The following TRPC5 variants were observed in gnomAD, a reference collection of about 807,000 sequenced individuals.
The protein encoded by TRPC5 is short transient receptor potential channel 5.
Under a neutral mutation model 56.5 loss-of-function variants are expected in TRPC5, and 9 were observed. The observed-to-expected ratio is 0.16, with a 90% CI of 0.10 to 0.28. TRPC5 has a LOEUF of 0.28. Ranked by LOEUF, TRPC5 falls within the 10% of genes least tolerant of loss-of-function variation. The pLI, the probability that TRPC5 is intolerant of heterozygous loss-of-function variation, is 1.00. For synonymous variants in TRPC5, 282 were observed against 278.5 expected, an observed-to-expected ratio of 1.01 and a Z score of -0.13; for missense variants, 469 against 748.9, an observed-to-expected ratio of 0.63 and a Z score of 4.36.
At chrX:111,918,265 A>T (rs1324640643) in intron 2 of TRPC5, among the ~76,000 whole-genome samples, 3 of 111,746 alleles carry the variant, frequency 2.7e-5, no homozygotes, top group Non-Finnish European at 5.6e-5. Flanking sequence ...GAGGGCTGGA[A>T]GCTGAAGTAT....
Position 111,936,886 on chromosome X carries a change from T to C in TRPC5, c.378+15157A>G, listed in dbSNP as rs1447617149. Reference sequence around the variant, plus strand: ...GTAATGGGATGGCTGGGTCAAATGGTATTTCTAGTTCTAGATCCCTGAGGA... The same window carrying C: ...GTAATGGGATGGCTGGGTCAAATGGCATTTCTAGTTCTAGATCCCTGAGGA... On this transcript the variant is annotated intron_variant, in intron 2 of 10. Transcript: ENST00000262839. Among the ~76,000 whole-genome samples the C allele has an allele frequency of 1.0e-3, 102 of 100,827 alleles. 4 individuals carry two copies. The highest frequency in any genetic ancestry group is 3.8e-3 in the African/African-American group (97 of 25,827). 87.6% of individuals were successfully genotyped at this position (100,827 alleles called of 115,157 possible).
intron 7 of TRPC5, among the ~76,000 whole-genome samples, chrX:111,809,506 T>G (rs1443369034): frequency 8.9e-6 from 1 of 111,964 alleles, no homozygotes; most frequent in Non-Finnish European, 1.9e-5. Flanking sequence ...GTACAGATTC[T>G]GTCTCCATGC....
In TRPC5 at chrX:111,951,646, G is replaced by A. The variant is rs780762527; in HGVS notation, c.378+397C>T. On this transcript the variant is annotated intron_variant, in intron 2 of 10. Transcript: ENST00000262839. ...GCCTCCTGTGTTGTCTTCAGAGAGA[G>A]GCTAATGAGAAGTAGAAAGACCAAG... Among the ~76,000 whole-genome samples the A allele has an allele frequency of 2.7e-5, 3 of 111,737 alleles. No homozygotes were observed. The South Asian group carries it at 1.1e-3, about 42-fold the overall frequency.
In TRPC5 at chrX:111,768,910, G is replaced by A; in HGVS notation, c.*7403C>T. Among the ~76,000 whole-genome samples, 1 of 111,566 alleles carries A rather than the reference G, an allele frequency of 9.0e-6. No individual in the cohort carries two copies. Among genetic ancestry groups the A allele is most frequent in the African/African-American group, 3.3e-5 (1 of 30,759 alleles). The stretch of plus-strand genomic sequence containing the variant: ...TTGGACTACAGGTTACTTTGCCTTG[G>A]ATATTTAAACTGATTGCTTAATATG... On this transcript the variant is annotated 3_prime_UTR_variant, in exon 11 of 11. Transcript: ENST00000262839.
intron 7 of TRPC5, among the ~76,000 whole-genome samples, chrX:111,806,411 G>A (rs1921515734): frequency 8.9e-6 from 1 of 111,817 alleles, no homozygotes; most frequent in Non-Finnish European, 1.9e-5. Flanking sequence ...ATGGTTGTTG[G>A]CAGGTTTAGT....
At chrX:111,824,265 C>G (rs998900365) in intron 7 of TRPC5, among the ~76,000 whole-genome samples, 1 of 107,078 alleles carries the variant, frequency 9.3e-6, no homozygotes, top group Non-Finnish European at 1.9e-5. Context: ...TACCCTTGGG[C>G]GAGTCACTTT....
intron 1 of TRPC5, among the ~76,000 whole-genome samples, chrX:112,030,077 G>A (rs1265728401): frequency 8.9e-6 from 1 of 111,980 alleles, no homozygotes; most frequent in Non-Finnish European, 1.9e-5. Flanking sequence ...CACCCACCTC[G>A]GCCTCCCAAA....
chrX:111,978,620 A>G (rs1466739465), intron 1 of TRPC5, among the ~76,000 whole-genome samples: 1 of 111,575 alleles, frequency 9.0e-6, no homozygotes, highest in Non-Finnish European at 1.9e-5. Flanking sequence ...TATTTTTAAT[A>G]GCCCCAATTT....
intron 1 of TRPC5, among the ~76,000 whole-genome samples, chrX:112,056,821 G>A (rs2223497): frequency 0.19 from 21,311 of 111,580 alleles, 2,147 homozygotes; most frequent in African/African-American, 0.39. Flanking sequence ...GTGGGGTAGC[G>A]GCATAGGCAG....
chrX:111,943,109 T>C (rs1182171105), intron 2 of TRPC5, among the ~76,000 whole-genome samples: 1 of 111,641 alleles, frequency 9.0e-6, no homozygotes, highest in Non-Finnish European at 1.9e-5. Flanking sequence ...TGTAATACTA[T>C]GAAATAGACT....
chrX:111,978,019 A>G (rs746887521), intron 1 of TRPC5, among the ~76,000 whole-genome samples: 1 of 111,673 alleles, frequency 9.0e-6, no homozygotes, highest in Non-Finnish European at 1.9e-5. Flanking sequence ...TCTTGTGGGA[A>G]TGTAAATTAG....
intron 2 of TRPC5, among the ~76,000 whole-genome samples, chrX:111,913,798 A>G (rs1352974414): frequency 1.8e-5 from 2 of 110,507 alleles, no homozygotes; most frequent in East Asian, 5.7e-4. Context: ...GTCTCTACTA[A>G]AAATACAAAA....
At chrX:111,900,743 G>A (rs1161521704) in intron 3 of TRPC5, among the ~76,000 whole-genome samples, 4 of 111,661 alleles carry the variant, frequency 3.6e-5, no homozygotes, top group Non-Finnish European at 7.5e-5. Context: ...TAGAAAACCT[G>A]TGAATCAAAT....
rs1328636265 is a variant in TRPC5 at position 111,781,161 on chromosome X, T to G, written c.2142+4A>C. ...TGTGCTTCATCCCTGTGAGGAAGCT[T>G]TACCTGATAATGTTGATTTTGTATC... On this transcript the variant is annotated splice_donor_region_variant and intron_variant, in intron 9 of 10. Transcript: ENST00000262839. 2 of 1,209,618 alleles carry G rather than the reference T, an allele frequency of 1.7e-6. No homozygotes were observed. Among genetic ancestry groups the G allele is most frequent in the Non-Finnish European group, 2.2e-6 (2 of 893,601 alleles).
chrX:111,913,412 A>C (rs558846595), intron 2 of TRPC5, among the ~76,000 whole-genome samples: 1 of 111,309 alleles, frequency 9.0e-6, no homozygotes, highest in African/African-American at 3.3e-5. Flanking sequence ...GGGTTCGTCC[A>C]ACTTCCTGTA....
At chrX:111,800,563 G>A (rs904721597) in intron 7 of TRPC5, among the ~76,000 whole-genome samples, 1 of 110,699 alleles carries the variant, frequency 9.0e-6, no homozygotes, top group Admixed American at 9.6e-5. Context: ...TCAGGAGTTC[G>A]AGACCAGCCT....
chrX:111,911,495 C>T (rs765215681), intron 3 of TRPC5, among the ~76,000 whole-genome samples: 3 of 111,906 alleles, frequency 2.7e-5, no homozygotes, highest in East Asian at 2.8e-4. Flanking sequence ...CTGCTTTTTC[C>T]GTGGTATCAT....
chrX:111,776,470 C>T lies in TRPC5; in HGVS notation c.2765G>A (p.Cys922Tyr), dbSNP rs759050409. Reference sequence around the variant, plus strand: ...GGATGCACAGTGAAGAGAGCTGGAACAGGCTAGAGGGCATTCACTGCTCTG... The same window carrying T: ...GGATGCACAGTGAAGAGAGCTGGAATAGGCTAGAGGGCATTCACTGCTCTG... ...AAQSSECPLA[C>Y]SSSLHCASSI... The change falls in exon 11 of 11, where the codon TGT becomes TAT. Residue 922 changes from cysteine (C) to tyrosine (Y), a missense_variant. By Grantham distance (194) the Cys-to-Tyr change is radical. Coordinates refer to ENST00000262839, the MANE Select transcript of TRPC5 (RefSeq NM_012471.3). 1.7e-6 allele frequency: 2 copies of T among 1,211,099 alleles called. No individual in the cohort carries two copies. Among genetic ancestry groups the T allele is most frequent in the South Asian group, 3.5e-5 (2 of 56,824 alleles).
At chrX:111,890,784 G>C (rs746726592) in intron 3 of TRPC5, among the ~76,000 whole-genome samples, 1 of 111,682 alleles carries the variant, frequency 9.0e-6, no homozygotes, top group South Asian at 3.9e-4. Context: ...CCCATGTCAT[G>C]GTGGGTTTGT....
Sources: gnomAD v4.1 joint callset for allele counts (sites outside exome capture counted in the v4.1 genomes callset) on GRCh38, gnomAD v4.1.1 for gene constraint, MANE v1.5 for transcripts, NCBI Gene and HGNC (gene_info 2026-07-23, HGNC 2026-07-21) for gene names.